ATAD2: variants seen among roughly 807,000 people sequenced by gnomAD.
ATAD2 encodes ATPase family AAA domain containing 2.
In ATAD2, 62 loss-of-function variants were observed where a neutral mutation model predicts 168.9. The observed-to-expected ratio is 0.37, with a 90% CI of 0.30 to 0.45. The LOEUF is 0.45. ATAD2 is among the 20% of genes least tolerant of loss of function. The pLI is 1.00. For missense variants in ATAD2, 1,419 were observed against 1,667.8 expected (o/e 0.85, Z 2.60); for synonymous variants, 613 against 571.6 (o/e 1.07, Z -1.03).
intron 22 of ATAD2, among the ~76,000 whole-genome samples, chr8:123,335,443 TCTAA>T (rs1449536375): frequency 1.3e-5 from 2 of 152,178 alleles, no homozygotes; most frequent in Non-Finnish European, 2.9e-5. Flanking sequence ...TACTAATCAA[TCTAA>T]CTAACAAGCA....
At position 123,336,545 on chromosome 8, in the gene ATAD2, C is replaced by A; in HGVS notation, c.3052-13G>T. 2.7e-6 allele frequency: 4 copies of A among 1,483,124 alleles called. No homozygotes were observed. The highest frequency in any genetic ancestry group is 1.5e-5 in the South Asian group (1 of 67,196). 91.9% of individuals were successfully genotyped at this position (1,483,124 alleles called of 1,614,324 possible). On this transcript the variant is annotated splice_polypyrimidine_tract_variant and intron_variant, in intron 21 of 27. Coordinates refer to ENST00000287394, the MANE Select transcript of ATAD2 (RefSeq NM_014109.4). ...CATAATCAGGAACCTAAAATTCAAG[C>A]AAATGATCAAATCACAAAATTAACT...
intron 9 of ATAD2, 41 bp from the exon 10 acceptor site, chr8:123,359,726 C>G (rs1367970998): frequency 1.5e-6 from 2 of 1,342,618 alleles, no homozygotes; most frequent in Middle Eastern, 2.2e-4. Flanking sequence ...AACCCATCAA[C>G]TCACCCTCCT....
intron 22 of ATAD2, among the ~76,000 whole-genome samples, chr8:123,336,069 T>C (rs1410301281): frequency 6.6e-6 from 1 of 152,194 alleles, no homozygotes; most frequent in Non-Finnish European, 1.5e-5. Flanking sequence ...AGCACTGATA[T>C]ACAAAGTATA....
At chr8:123,401,059 G>C, upstream of ATAD2, 1 of 1,573,502 alleles carries the variant, frequency 6.4e-7, no homozygotes, top group Non-Finnish European at 8.7e-7. Flanking sequence ...CACTTCCCGA[G>C]ACATCGACTT....
intron 2 of ATAD2, among the ~76,000 whole-genome samples, chr8:123,377,534 T>C (rs1278418302): frequency 1.3e-5 from 2 of 152,198 alleles, no homozygotes; most frequent in Non-Finnish European, 2.9e-5. Context: ...AGTTCATCTA[T>C]AAGTTTTATA....
intron 1 of ATAD2, among the ~76,000 whole-genome samples, chr8:123,383,123 C>T (rs978611522): frequency 7.2e-5 from 11 of 152,196 alleles, no homozygotes; most frequent in Non-Finnish European, 1.5e-4. Context: ...CATGTTCTCA[C>T]TCATAAGTGG....
chr8:123,329,512 C>T (rs141895389), intron 24 of ATAD2, among the ~76,000 whole-genome samples: 1,810 of 152,124 alleles, frequency 0.012, 38 homozygotes, highest in African/African-American at 0.042. Flanking sequence ...CCTGTAGTCC[C>T]AGCACTTTGG....
intron 25 of ATAD2, 151 bp from the exon 26 acceptor site, chr8:123,326,177 G>T: frequency 1.3e-6 from 1 of 798,134 alleles, no homozygotes; most frequent in Non-Finnish European, 1.9e-6. Context: ...ATAAGATTAA[G>T]ATACTGCCAC....
Position 123,349,496 on chromosome 8 carries a change from A to G in ATAD2, c.1647-52T>C, listed in dbSNP as rs1222109751. ...GATTAATACTATGAACACAGTCTAT[A>G]TCATTCAGTAATATTTCTTCTTTTG... On this transcript the variant is annotated intron_variant, in intron 13 of 27. Transcript: ENST00000287394. The G allele has an allele frequency of 5.3e-6, 8 of 1,501,756 alleles. No individual in the cohort carries two copies. In the East Asian group the frequency reaches 6.8e-5, roughly 13 times the overall value. The allele number at this position is 1,501,756 out of a possible 1,614,324, so 93.0% of individuals were successfully genotyped here.
chr8:123,357,791 A>C (rs1828695334), intron 11 of ATAD2, 55 bp from the exon 12 acceptor site: 18 of 1,479,244 alleles, frequency 1.2e-5, no homozygotes, highest in Non-Finnish European at 1.4e-5. Context: ...AGACTTTTAA[A>C]ACAAAAATTA....
upstream of ATAD2, chr8:123,400,621 G>T: frequency 1.6e-6 from 1 of 633,432 alleles, no homozygotes; most frequent in Non-Finnish European, 2.9e-6. The surrounding 1 kb of genome is among the most constrained non-coding windows in gnomAD (Gnocchi z 4.5). Context: ...CGTGCCCGAG[G>T]ACGGGCTCAC....
Position 123,370,402 on chromosome 8 carries a change from T to C in ATAD2, c.728-378A>G, listed in dbSNP as rs555214736. Among the ~76,000 whole-genome samples, 5 of 152,212 alleles carry C rather than the reference T, an allele frequency of 3.3e-5. No homozygotes were observed. The South Asian group carries it at 1.0e-3, about 32-fold the overall frequency. ...TTTGACAAGTTTTCAAATTTCCTCATTAAGCTTTTGCTTTCTAAACTTAAG... is the reference window on the plus strand; with the variant it reads ...TTTGACAAGTTTTCAAATTTCCTCACTAAGCTTTTGCTTTCTAAACTTAAG... On this transcript the variant is annotated intron_variant, in intron 6 of 27. Transcript: ENST00000287394.
intron 1 of ATAD2, among the ~76,000 whole-genome samples, chr8:123,389,960 T>TTTTATATATATATATATATATATATA: frequency 1.1e-5 from 1 of 94,050 alleles, no homozygotes; most frequent in East Asian, 3.0e-4. Flanking sequence ...TACTATTATT[T>TTTTATATATATATATATATATATATA]TATATATATA....
intron 1 of ATAD2, among the ~76,000 whole-genome samples, chr8:123,413,662 G>A (rs1813196777): frequency 6.6e-6 from 1 of 152,100 alleles, no homozygotes; most frequent in Non-Finnish European, 1.5e-5. Flanking sequence ...AGAGCTCATG[G>A]CAGAGGTAGA....
Position 123,320,071 on chromosome 8 carries a change from G to A in ATAD2, c.*1063C>T, listed in dbSNP as rs1827426919. The A allele has an allele frequency of 6.6e-6, 1 of 151,996 alleles. No homozygotes were observed. Among genetic ancestry groups the A allele is most frequent in the African/African-American group, 2.4e-5 (1 of 41,388 alleles). The allele number at this position is 151,996 out of a possible 1,614,324, so 9.4% of individuals were successfully genotyped here. A position where few individuals can be genotyped will look rare whatever the true frequency, so the allele number is the denominator to read the frequency against. ...TACTAATTAAGGTATTGAATTCACTGGGTTTTAGAAGGCTTTAAAAAAAAT... is the reference window on the plus strand; with the variant it reads ...TACTAATTAAGGTATTGAATTCACTAGGTTTTAGAAGGCTTTAAAAAAAAT... On this transcript the variant is annotated 3_prime_UTR_variant, in exon 28 of 28. Coordinates refer to ENST00000287394, the MANE Select transcript of ATAD2 (RefSeq NM_014109.4).
At chr8:123,412,309 C>T (rs1813170614) in intron 1 of ATAD2, among the ~76,000 whole-genome samples, 1 of 152,156 alleles carries the variant, frequency 6.6e-6, no homozygotes, top group African/African-American at 2.4e-5. Context: ...AGCAATGTCA[C>T]CTGTATTTTA....
intron 13 of ATAD2, among the ~76,000 whole-genome samples, chr8:123,354,831 C>CT (rs1828580123): frequency 1.3e-5 from 1 of 75,586 alleles, no homozygotes; most frequent in African/African-American, 6.9e-5. Flanking sequence ...GAGCAAGACT[C>CT]TGTCTCAAAA....
At chr8:123,326,057 G>T in intron 25 of ATAD2, 31 bp from the exon 26 acceptor site, 1 of 1,607,090 alleles carries the variant, frequency 6.2e-7, no homozygotes, top group Non-Finnish European at 8.5e-7. Flanking sequence ...ATTATTATTT[G>T]GTCCATAGAT....
chr8:123,407,390 T>C (rs144108536), intron 1 of ATAD2, among the ~76,000 whole-genome samples: 1 of 152,218 alleles, frequency 6.6e-6, no homozygotes, highest in Non-Finnish European at 1.5e-5. Context: ...ATCTTAACTA[T>C]TCTAGTTAGG....
Sources: gnomAD v4.1 joint callset for allele counts (sites outside exome capture counted in the v4.1 genomes callset) on GRCh38, gnomAD v4.1.1 for gene constraint, Gnocchi (gnomAD v3.1) non-coding constraint, MANE v1.5 for transcripts, NCBI Gene and HGNC (gene_info 2026-07-23, HGNC 2026-07-21) for gene names.